Variants in TBC1D19 observed in about 807,000 individuals in gnomAD.
TBC1D19 encodes TBC1 domain family, member 19.
In TBC1D19, 60 loss-of-function variants were observed where a neutral mutation model predicts 89.0. The ratio of observed to expected loss-of-function variants is 0.67; its 90% CI spans 0.55 to 0.84. The LOEUF (loss-of-function observed/expected upper bound fraction) is 0.84, where lower values mean the gene tolerates loss of function less well. TBC1D19 is among the 40% of genes least tolerant of loss of function. The pLI, the probability that TBC1D19 is intolerant of heterozygous loss-of-function variation, is 0.00. For missense variants in TBC1D19, 500 were observed against 610.8 expected (o/e 0.82, Z 1.91); for synonymous variants, 189 against 199.7 (o/e 0.95, Z 0.45).
At chr4:26,580,234 C>T (rs893919651), upstream of TBC1D19, among the ~76,000 whole-genome samples, 4 of 152,120 alleles carry the variant, frequency 2.6e-5, no homozygotes, top group Admixed American at 2.6e-4. Context: ...GTATGACTGC[C>T]ATTGTAATGA....
chr4:26,649,848 G>A (rs917759277), intron 7 of TBC1D19, among the ~76,000 whole-genome samples: 1 of 152,014 alleles, frequency 6.6e-6, no homozygotes, highest in African/African-American at 2.4e-5. Context: ...ATCTCCTAAT[G>A]CTATCCCTCC....
chr4:26,688,294 A>G (rs1305089509), intron 12 of TBC1D19, 51 bp from the exon 13 acceptor site: 10 of 1,537,928 alleles, frequency 6.5e-6, no homozygotes, highest in African/African-American at 1.4e-5. Context: ...CTTTAGTACT[A>G]CAGACAGATC....
At chr4:26,625,826 A>G (rs934029544) in intron 4 of TBC1D19, among the ~76,000 whole-genome samples, 3 of 152,148 alleles carry the variant, frequency 2.0e-5, no homozygotes, top group Non-Finnish European at 2.9e-5. Context: ...ATCACATCAT[A>G]TCAGGGTACA....
In TBC1D19 at chr4:26,584,169, G is replaced by T. The variant is rs199753629; in HGVS notation, c.-25G>T. 1.3e-4 allele frequency: 213 copies of T among 1,599,522 alleles called. No homozygotes were observed. The highest frequency in any genetic ancestry group is 1.7e-4 in the Non-Finnish European group (202 of 1,174,400). The stretch of plus-strand genomic sequence containing the variant: ...CTCCGCGCCGGCGGCCTGTCCCCGC[G>T]GCTTGGCGGGCTAGGGCAGGGGAAA... On this transcript the variant is annotated 5_prime_UTR_variant, in exon 1 of 21. Coordinates refer to ENST00000264866, the MANE Select transcript of TBC1D19 (RefSeq NM_018317.4).
intron 1 of TBC1D19, among the ~76,000 whole-genome samples, chr4:26,594,411 A>G (rs1740054402): frequency 6.6e-6 from 1 of 152,114 alleles, no homozygotes. Flanking sequence ...TAATGGGTGC[A>G]GCATACCAAA....
chr4:26,832,672 G>C, the TBC1D19 span, among the ~76,000 whole-genome samples: 1 of 152,080 alleles, frequency 6.6e-6, no homozygotes, highest in East Asian at 1.9e-4. Context: ...ATGAATGAAA[G>C]GCTACCAAAA....
chr4:26,717,283 C>A (rs1297795924), intron 13 of TBC1D19, among the ~76,000 whole-genome samples: 2 of 152,010 alleles, frequency 1.3e-5, no homozygotes, highest in Admixed American at 1.3e-4. Context: ...CACTAATGGC[C>A]TTACTGGGTC....
the TBC1D19 span, among the ~76,000 whole-genome samples, chr4:26,838,817 C>T: frequency 6.6e-6 from 1 of 152,222 alleles, no homozygotes; most frequent in African/African-American, 2.4e-5. Context: ...CCTGATAATT[C>T]TGGTAAGTTC....
chr4:26,640,884 C>T lies in TBC1D19; in HGVS notation c.480+697C>T, dbSNP rs539813851. On this transcript the variant is annotated intron_variant, in intron 7 of 20. Transcript: ENST00000264866. Reference sequence around the variant, plus strand: ...CATAGTTGAGGCTTGAGTAGGTAAACAAAGTGGCGGGAAGCTCGAACTGGG... The same window carrying T: ...CATAGTTGAGGCTTGAGTAGGTAAATAAAGTGGCGGGAAGCTCGAACTGGG... Among the ~76,000 whole-genome samples the T allele has an allele frequency of 2.6e-5, 4 of 152,322 alleles. No individual in the cohort carries two copies. In the East Asian group the frequency reaches 7.7e-4, roughly 29 times the overall value.
At chr4:26,763,641 G>A in the TBC1D19 span, among the ~76,000 whole-genome samples, 32 of 152,280 alleles carry the variant, frequency 2.1e-4, no homozygotes, top group African/African-American at 5.8e-4. Flanking sequence ...GGCACATGTC[G>A]TCAGGACTTC....
the TBC1D19 span, among the ~76,000 whole-genome samples, chr4:26,787,302 A>G: frequency 6.6e-6 from 1 of 152,062 alleles, no homozygotes; most frequent in Admixed American, 6.5e-5. Flanking sequence ...GGGTTTCACC[A>G]TGTTGCCCAG....
At chr4:26,686,082 A>G (rs1006533213) in intron 12 of TBC1D19, among the ~76,000 whole-genome samples, 1 of 152,246 alleles carries the variant, frequency 6.6e-6, no homozygotes, top group South Asian at 2.1e-4. Context: ...GGCTCTGCCA[A>G]TCACTCCAAA....
At chr4:26,818,822 G>A in the TBC1D19 span, among the ~76,000 whole-genome samples, 2 of 152,152 alleles carry the variant, frequency 1.3e-5, no homozygotes, top group Non-Finnish European at 2.9e-5. Context: ...AAGTCAATTG[G>A]TCACCTTAGT....
At chr4:26,800,019 A>G in the TBC1D19 span, among the ~76,000 whole-genome samples, 1 of 152,074 alleles carries the variant, frequency 6.6e-6, no homozygotes, top group South Asian at 2.1e-4. Context: ...TTTTATTATT[A>G]TCATACTTTA....
At chr4:26,721,137 G>A (rs903478043) in intron 15 of TBC1D19, among the ~76,000 whole-genome samples, 1 of 151,566 alleles carries the variant, frequency 6.6e-6, no homozygotes, top group African/African-American at 2.4e-5. Context: ...GCTGCCATTT[G>A]CTTTTATGAT....
At chr4:26,622,898 G>T (rs1742151154) in intron 4 of TBC1D19, among the ~76,000 whole-genome samples, 1 of 152,132 alleles carries the variant, frequency 6.6e-6, no homozygotes, top group Non-Finnish European at 1.5e-5. Flanking sequence ...CAATAGCAGG[G>T]ATTGTGCTTT....
intron 1 of TBC1D19, among the ~76,000 whole-genome samples, chr4:26,588,194 T>G (rs1184163419): frequency 6.6e-6 from 1 of 151,824 alleles, no homozygotes; most frequent in Non-Finnish European, 1.5e-5. Context: ...CCCAGATGAT[T>G]TTTTGTATTT....
At chr4:26,733,520 CT>C (rs1717790029) in intron 15 of TBC1D19, among the ~76,000 whole-genome samples, 1 of 152,124 alleles carries the variant, frequency 6.6e-6, no homozygotes, top group Non-Finnish European at 1.5e-5. Context: ...CCAACCAAGT[CT>C]GTCTGACATC....
chr4:26,776,724 T>C, the TBC1D19 span, among the ~76,000 whole-genome samples: 1 of 152,222 alleles, frequency 6.6e-6, no homozygotes. Flanking sequence ...TAAGTTTAGT[T>C]ACATGTAAAA....
Sources: allele counts gnomAD v4.1 joint callset (sites outside exome capture counted in the v4.1 genomes callset), GRCh38; gene constraint gnomAD v4.1.1; transcripts MANE v1.5; gene names NCBI Gene and HGNC (gene_info 2026-07-23, HGNC 2026-07-21).